The following SEC63 variants were observed in gnomAD, a reference collection of about 807,000 sequenced individuals.
SEC63 encodes the protein SEC63 protein translocation regulator.
Under a neutral mutation model 116.2 loss-of-function variants are expected in SEC63, and 56 were observed. The observed-to-expected ratio is 0.48, with a 90% CI of 0.39 to 0.60. SEC63 has a LOEUF of 0.60. Ranked by LOEUF, SEC63 falls within the 20% of genes least tolerant of loss-of-function variation. The pLI, the probability that SEC63 is intolerant of heterozygous loss-of-function variation, is 0.00. For synonymous variants in SEC63, 273 were observed against 294.6 expected (o/e 0.93, Z 0.75); for missense variants, 668 against 900.0 (o/e 0.74, Z 3.30).
At chr6:107,933,657 C>T (rs986925627) in intron 1 of SEC63, among the ~76,000 whole-genome samples, 12 of 151,238 alleles carry the variant, frequency 7.9e-5, no homozygotes, top group Non-Finnish European at 1.8e-4. Flanking sequence ...TAAAGAAACA[C>T]CTGCCTCTGC....
At chr6:107,884,291 G>T (rs1372688857) in intron 16 of SEC63, among the ~76,000 whole-genome samples, 3 of 144,380 alleles carry the variant, frequency 2.1e-5, no homozygotes, top group Non-Finnish European at 4.5e-5. Context: ...TACAGAAAAA[G>T]AAACTTAAAA....
At chr6:107,934,161 A>G (rs1654045276) in intron 1 of SEC63, among the ~76,000 whole-genome samples, 1 of 151,982 alleles carries the variant, frequency 6.6e-6, no homozygotes, top group African/African-American at 2.4e-5. Flanking sequence ...GGAAGTGAGG[A>G]GCGTCTCTGC....
intron 4 of SEC63, among the ~76,000 whole-genome samples, chr6:107,918,399 T>G (rs1787464762): frequency 6.6e-6 from 1 of 152,152 alleles, no homozygotes; most frequent in South Asian, 2.1e-4. Context: ...AAAAGTAATT[T>G]TGACTTTTAA....
At chr6:107,877,978 C>T (rs1304055817) in intron 18 of SEC63, among the ~76,000 whole-genome samples, 4 of 152,170 alleles carry the variant, frequency 2.6e-5, no homozygotes, top group African/African-American at 4.8e-5. Flanking sequence ...GTTAGGACTA[C>T]CACTGTAGGC....
chr6:107,881,154 G>T lies in SEC63; in HGVS notation c.1930C>A (p.Pro644Thr). Reference sequence around the variant, plus strand: ...GTAGCCTGTATATAACTCACCTCAGGAAAGTAAAGGCTATACACAGGATGT... The same window carrying T: ...GTAGCCTGTATATAACTCACCTCAGTAAAGTAAAGGCTATACACAGGATGT... Reference protein sequence around the residue: ...ITHPVYSLYFPEEKQEWWWLY... With the variant: ...ITHPVYSLYFTEEKQEWWWLY... The change falls in exon 18 of 21, where the codon CCT becomes ACT. Residue 644 changes from proline (P) to threonine (T), a missense_variant. Pro to Thr is a conservative substitution (Grantham distance 38, BLOSUM62 -1). Transcript: ENST00000369002. 6.2e-7 allele frequency: 1 copy of T among 1,601,646 alleles called. No homozygotes were observed. The highest frequency in any genetic ancestry group is 1.3e-5 in the African/African-American group (1 of 74,690).
chr6:107,958,180 G>A lies in SEC63; in HGVS notation c.-171C>T, dbSNP rs1770757387. The A allele has an allele frequency of 1.9e-5, 19 of 1,003,494 alleles. No homozygotes were observed. The highest frequency in any genetic ancestry group is 3.2e-5 in the African/African-American group (2 of 62,546). 62.2% of individuals were successfully genotyped at this position (1,003,494 alleles called of 1,614,324 possible). A position where few individuals can be genotyped will look rare whatever the true frequency, so the allele number is the denominator to read the frequency against. ...ACACGCCGCCGCCACCTCTGCCGCT[G>A]CCGCCGCCGTCGCCAGCTCTCGCGA... On this transcript the variant is annotated 5_prime_UTR_variant, in exon 1 of 21. Transcript: ENST00000369002.
intron 1 of SEC63, among the ~76,000 whole-genome samples, chr6:107,954,210 G>A (rs1770653415): frequency 6.6e-6 from 1 of 151,946 alleles, no homozygotes; most frequent in Non-Finnish European, 1.5e-5. Context: ...GTCCACTCAG[G>A]GTTAAATGGA....
Position 107,926,900 on chromosome 6 carries a change from C to A in SEC63, c.225-1968G>T, listed in dbSNP as rs116302519. Among the ~76,000 whole-genome samples, 246 of 152,262 alleles carry A rather than the reference C, an allele frequency of 1.6e-3. 3 individuals carry two copies. Among genetic ancestry groups the A allele is most frequent in the African/African-American group, 5.7e-3 (235 of 41,556 alleles). The stretch of plus-strand genomic sequence containing the variant: ...AAAGGCTGATGAAAATTACCACAAC[C>A]AATAAAGCCATGCTCTACAGTTTCC... On this transcript the variant is annotated intron_variant, in intron 2 of 20. Transcript: ENST00000369002.
In SEC63 at chr6:107,875,247, G is replaced by C. The variant is rs1786235555; in HGVS notation, c.2034+1317C>G. 2.6e-5 allele frequency among the ~76,000 whole-genome samples: 4 copies of C among 152,270 alleles called. No homozygotes were observed. In the South Asian group the frequency reaches 8.3e-4, roughly 32 times the overall value. On this transcript the variant is annotated intron_variant, in intron 19 of 20. Transcript: ENST00000369002. ...TCTACAAGTACCTCAAATGGTTCAG[G>C]GGAAAATACACACGCGTGCATGTTT...
Position 107,940,252 on chromosome 6 carries a change from G to T in SEC63, c.125-10738C>A, listed in dbSNP as rs568033379. On this transcript the variant is annotated intron_variant, in intron 1 of 20. Coordinates refer to ENST00000369002, the MANE Select transcript of SEC63 (RefSeq NM_007214.5). ...ACCAAAGTTCACAATTCTCAGGAATGCCTGAACAATCTAAGTGCAAACCAA... is the reference window on the plus strand; with the variant it reads ...ACCAAAGTTCACAATTCTCAGGAATTCCTGAACAATCTAAGTGCAAACCAA... 2.0e-5 allele frequency among the ~76,000 whole-genome samples: 3 copies of T among 151,596 alleles called. No homozygotes were observed. In the South Asian group the frequency reaches 6.2e-4, roughly 32 times the overall value.
In SEC63 at chr6:107,958,113, C is replaced by A; in HGVS notation, c.-104G>T. Reference sequence around the variant, plus strand: ...CCCGAGTGGCGTAGCTTGGACACTGCCGCCGCCGCCTCTCCTCCCCGCCCC... The same window carrying A: ...CCCGAGTGGCGTAGCTTGGACACTGACGCCGCCGCCTCTCCTCCCCGCCCC... On this transcript the variant is annotated 5_prime_UTR_variant, in exon 1 of 21. Coordinates refer to ENST00000369002, the MANE Select transcript of SEC63 (RefSeq NM_007214.5). 1 of 1,529,260 alleles carries A rather than the reference C, an allele frequency of 6.5e-7. No homozygotes were observed. 94.7% of individuals were successfully genotyped at this position (1,529,260 alleles called of 1,614,324 possible).
At chr6:107,917,461 G>A (rs928289479) in intron 4 of SEC63, among the ~76,000 whole-genome samples, 8 of 151,944 alleles carry the variant, frequency 5.3e-5, no homozygotes, top group Middle Eastern at 3.4e-3. Context: ...ATGTTTAAAC[G>A]AAAAAAGACT....
chr6:107,924,548 AGAGT>A (rs1204341785), intron 3 of SEC63, among the ~76,000 whole-genome samples: 1 of 152,218 alleles, frequency 6.6e-6, no homozygotes, highest in African/African-American at 2.4e-5. Flanking sequence ...CCTGGGCTAC[AGAGT>A]GAGACTCTGT....
At chr6:107,906,798 T>C (rs567779406) in intron 8 of SEC63, 21 bp from the exon 9 acceptor site, 25 of 1,548,480 alleles carry the variant, frequency 1.6e-5, no homozygotes, top group Admixed American at 3.3e-5. Context: ...AAAAGAAATA[T>C]GAAGGTAAAT....
At chr6:107,920,305 A>G (rs1275471084) in intron 4 of SEC63, among the ~76,000 whole-genome samples, 2 of 151,712 alleles carry the variant, frequency 1.3e-5, no homozygotes, top group Admixed American at 6.6e-5. Context: ...AGGCACCTGT[A>G]GTCCCAGCTA....
intron 4 of SEC63, among the ~76,000 whole-genome samples, chr6:107,920,946 C>A (rs1404374794): frequency 6.6e-6 from 1 of 152,016 alleles, no homozygotes; most frequent in Non-Finnish European, 1.5e-5. Context: ...ATAAGACCAA[C>A]AAGGAAAATT....
chr6:107,954,103 T>A (rs1770651176), intron 1 of SEC63, among the ~76,000 whole-genome samples: 1 of 151,956 alleles, frequency 6.6e-6, no homozygotes, highest in South Asian at 2.1e-4. Flanking sequence ...CGGGAGACTT[T>A]TCATTTTGTT....
intron 16 of SEC63, among the ~76,000 whole-genome samples, chr6:107,892,443 T>C (rs999837985): frequency 2.0e-5 from 3 of 152,206 alleles, no homozygotes; most frequent in Admixed American, 6.5e-5. Flanking sequence ...ACGGTAATAA[T>C]GTTTCCAGAA....
At chr6:107,896,509 T>A (rs13191674) in intron 14 of SEC63, among the ~76,000 whole-genome samples, 1 of 152,034 alleles carries the variant, frequency 6.6e-6, no homozygotes, top group African/African-American at 2.4e-5. Flanking sequence ...ATGATTGGAC[T>A]GGATTTAACA....
Sources: gnomAD v4.1 joint callset for allele counts (sites outside exome capture counted in the v4.1 genomes callset) on GRCh38, gnomAD v4.1.1 for gene constraint, MANE v1.5 for transcripts, NCBI Gene and HGNC (gene_info 2026-07-23, HGNC 2026-07-21) for gene names.